Variants in MAST4 observed in about 807,000 individuals in gnomAD.
The protein encoded by MAST4 is microtubule associated serine/threonine kinase family member 4.
Under a neutral mutation model 162.7 loss-of-function variants are expected in MAST4, and 89 were observed. The observed-to-expected ratio is 0.55, with a 90% CI of 0.46 to 0.65. The LOEUF (loss-of-function observed/expected upper bound fraction) is 0.65, where lower values mean the gene tolerates loss of function less well. MAST4 is among the 30% of genes least tolerant of loss of function. The pLI, the probability that MAST4 is intolerant of heterozygous loss-of-function variation, is 0.00. For synonymous variants in MAST4, 1,479 were observed against 1,361.1 expected (o/e 1.09, Z -1.91); for missense variants, 3,153 against 3,374.0 (o/e 0.93, Z 1.62).
At position 66,803,419 on chromosome 5, in the gene MAST4, T is replaced by C. The variant is rs188681633; in HGVS notation, c.642+14625T>C. Among the ~76,000 whole-genome samples the C allele has an allele frequency of 3.9e-5, 6 of 152,304 alleles. No homozygotes were observed. The East Asian group carries it at 1.2e-3, about 29-fold the overall frequency. On this transcript the variant is annotated intron_variant, in intron 3 of 28. Coordinates refer to ENST00000403625, the MANE Select transcript of MAST4 (RefSeq NM_001164664.2). ...TTGCTCATGAAATCCTGTAAGCTGA[T>C]TGAGATTTTGATTAAAATTACATTA...
chr5:66,714,746 T>G (rs1750711484), intron 1 of MAST4, among the ~76,000 whole-genome samples: 1 of 152,262 alleles, frequency 6.6e-6, no homozygotes. Context: ...AATGAATTGT[T>G]GCTTTGCCGC....
At chr5:66,907,187 G>T (rs1230625782) in intron 4 of MAST4, among the ~76,000 whole-genome samples, 1 of 148,100 alleles carries the variant, frequency 6.8e-6, no homozygotes, top group East Asian at 2.0e-4. Flanking sequence ...GAGAGAGAGA[G>T]AGAGAGAGAG....
rs377615311 is a variant in MAST4, at chr5:66,945,837, A to G, written c.674+45855A>G. 9.8e-5 allele frequency among the ~76,000 whole-genome samples: 15 copies of G among 152,304 alleles called. No individual in the cohort carries two copies. The South Asian group carries it at 1.4e-3, about 15-fold the overall frequency. On this transcript the variant is annotated intron_variant, in intron 4 of 28. Coordinates refer to ENST00000403625, the MANE Select transcript of MAST4 (RefSeq NM_001164664.2). ...TAAATGGTGCCCATTAAACTTGCAC[A>G]TAACTTGCACAGCAGGTTATGTGCT...
intron 5 of MAST4, among the ~76,000 whole-genome samples, chr5:67,067,874 T>C (rs771774922): frequency 1.3e-5 from 2 of 152,196 alleles, no homozygotes; most frequent in African/African-American, 2.4e-5. Flanking sequence ...AAGCTCAACC[T>C]GTCCCATTTT....
At chr5:67,078,081 G>A (rs552964324) in intron 5 of MAST4, among the ~76,000 whole-genome samples, 3 of 152,148 alleles carry the variant, frequency 2.0e-5, no homozygotes, top group South Asian at 4.2e-4. Context: ...CCTGGGCAAC[G>A]AGGGCAAAAC....
In MAST4 at chr5:67,163,087, CTG is replaced by C. The variant is rs1773402294; in HGVS notation, c.3968-57_3968-56del. ...TTACCTAATACAGTCTGGGCTACAA[CTG>C]TGAAAAAAAGGGGAAAATGACCATG... is the stretch of plus-strand genomic sequence containing the variant. On this transcript the variant is annotated intron_variant, in intron 28 of 28. Transcript: ENST00000403625. This position sits in a 1 kb window ranked among gnomAD's most constrained non-coding sequence, Gnocchi z 7.0. The C allele has an allele frequency of 1.3e-6, 2 of 1,534,384 alleles. No individual in the cohort carries two copies. The highest frequency in any genetic ancestry group is 4.5e-5 in the East Asian group (2 of 44,048).
At chr5:66,663,472 G>C (rs1221544154) in intron 1 of MAST4, among the ~76,000 whole-genome samples, 1 of 152,188 alleles carries the variant, frequency 6.6e-6, no homozygotes, top group Non-Finnish European at 1.5e-5. Context: ...AAGAGTTGCT[G>C]TCTTTTACTG....
chr5:66,811,548 C>T (rs753219919), intron 3 of MAST4, among the ~76,000 whole-genome samples: 67 of 152,278 alleles, frequency 4.4e-4, no homozygotes, highest in Non-Finnish European at 8.1e-4. Flanking sequence ...GATGCATTTC[C>T]GAGCTGGGGA....
chr5:66,809,246 G>T (rs1212080079), intron 3 of MAST4, among the ~76,000 whole-genome samples: 1 of 152,206 alleles, frequency 6.6e-6, no homozygotes, highest in East Asian at 1.9e-4. Flanking sequence ...AAACTTAAGT[G>T]GAGCTGTTCC....
At chr5:66,879,763 T>C (rs1761568487) in intron 3 of MAST4, among the ~76,000 whole-genome samples, 2 of 152,362 alleles carry the variant, frequency 1.3e-5, no homozygotes, top group South Asian at 4.1e-4. Context: ...TTCACCAGCC[T>C]TGGCCTCCCA....
chr5:66,911,748 G>A lies in MAST4; in HGVS notation c.674+11766G>A, dbSNP rs539983962. Reference sequence around the variant, plus strand: ...TACCCTGTCTCTAAAAAATAAATAAGTGAATGAATTTAAACGTGTATTATA... The same window carrying A: ...TACCCTGTCTCTAAAAAATAAATAAATGAATGAATTTAAACGTGTATTATA... On this transcript the variant is annotated intron_variant, in intron 4 of 28. Transcript: ENST00000403625. 1.6e-4 allele frequency among the ~76,000 whole-genome samples: 25 copies of A among 151,920 alleles called. No individual in the cohort carries two copies. In the South Asian group the frequency reaches 2.5e-3, roughly 15 times the overall value.
chr5:66,782,819 T>A (rs1754937715), intron 2 of MAST4, among the ~76,000 whole-genome samples: 1 of 152,240 alleles, frequency 6.6e-6, no homozygotes, highest in African/African-American at 2.4e-5. Flanking sequence ...TGTAGCTGAA[T>A]AATGCCATTG....
chr5:66,596,579 C>T lies in MAST4; in HGVS notation c.-77C>T. The T allele has an allele frequency of 7.5e-7, 1 of 1,338,616 alleles. No homozygotes were observed. 82.9% of individuals were successfully genotyped at this position (1,338,616 alleles called of 1,614,324 possible). ...GTGCCAGTGAGCCTGAGCCCAGGAGCCCGCGTCTTCCCCGGGAGGCGCTGA... is the reference window on the plus strand; with the variant it reads ...GTGCCAGTGAGCCTGAGCCCAGGAGTCCGCGTCTTCCCCGGGAGGCGCTGA... On this transcript the variant is annotated 5_prime_UTR_variant, in exon 1 of 29. Transcript: ENST00000403625.
In MAST4 at chr5:67,165,397, G is replaced by A. The variant is rs369164708; in HGVS notation, c.6218G>A (p.Gly2073Asp). ...SAGIPCEKEL[G>D]KVRRGVEPKP... ...GGAATTCCCTGTGAGAAGGAGCTGG[G>A]CAAGGTGAGGCGTGGCGTGGAACCC... is the stretch of plus-strand genomic sequence containing the variant. The change falls in exon 29 of 29, where the codon GGC (glycine) becomes GAC (aspartate). Residue 2073 changes from glycine (G) to aspartate (D), a missense_variant. Gly to Asp is a moderately conservative substitution (Grantham distance 94, BLOSUM62 -1). Coordinates refer to ENST00000403625, the MANE Select transcript of MAST4 (RefSeq NM_001164664.2). The A allele has an allele frequency of 1.6e-5, 26 of 1,613,844 alleles. No homozygotes were observed. In the African/African-American group the frequency reaches 3.1e-4, roughly 19 times the overall value.
At chr5:66,942,758 A>T (rs1451779149) in intron 4 of MAST4, among the ~76,000 whole-genome samples, 1 of 152,172 alleles carries the variant, frequency 6.6e-6, no homozygotes, top group Admixed American at 6.5e-5. Flanking sequence ...TATGTCATGA[A>T]TGATAGTATA....
chr5:66,775,919 A>G (rs1754579090), intron 2 of MAST4, among the ~76,000 whole-genome samples: 1 of 152,212 alleles, frequency 6.6e-6, no homozygotes. Context: ...ATTCCTTAAG[A>G]CAAAAATATT....
chr5:66,988,519 A>T (rs185663142), intron 4 of MAST4, among the ~76,000 whole-genome samples: 2 of 152,312 alleles, frequency 1.3e-5, no homozygotes. Flanking sequence ...TAAATACTTT[A>T]AAAATACTAA....
chr5:66,725,411 T>G (rs1751452761), intron 1 of MAST4, among the ~76,000 whole-genome samples: 1 of 152,140 alleles, frequency 6.6e-6, no homozygotes, highest in Admixed American at 6.6e-5. Context: ...CCCCAAAGAA[T>G]AAGATGCCTG....
chr5:67,039,543 A>G (rs1477403701), intron 4 of MAST4, among the ~76,000 whole-genome samples: 3 of 152,208 alleles, frequency 2.0e-5, no homozygotes, highest in African/African-American at 7.2e-5. Context: ...CTTACTGATA[A>G]GGACCAAATC....
Sources: gnomAD v4.1 joint callset for allele counts (sites outside exome capture counted in the v4.1 genomes callset) on GRCh38, gnomAD v4.1.1 for gene constraint, Gnocchi (gnomAD v3.1) non-coding constraint, MANE v1.5 for transcripts, NCBI Gene and HGNC (gene_info 2026-07-23, HGNC 2026-07-21) for gene names.